Variants in MLIP observed in about 807,000 individuals in gnomAD.
MLIP encodes muscular LMNA-interacting protein.
MLIP carries 79 observed loss-of-function variants against 84.8 expected under a neutral mutation model. The ratio of observed to expected loss-of-function variants is 0.93; its 90% CI spans 0.78 to 1.12. The LOEUF (loss-of-function observed/expected upper bound fraction) is 1.12, where lower values mean the gene tolerates loss of function less well. Ranked by LOEUF, MLIP falls within the 50% of genes most tolerant of loss-of-function variation. MLIP has a pLI of 0.00. For missense variants in MLIP, 1,257 were observed against 1,160.6 expected, an observed-to-expected ratio of 1.08 and a Z score of -1.21; for synonymous variants, 504 against 463.0, an observed-to-expected ratio of 1.09 and a Z score of -1.14.
chr6:54,166,897 A>G (rs1421527569), intron 8 of MLIP, among the ~76,000 whole-genome samples: 1 of 151,878 alleles, frequency 6.6e-6, no homozygotes, highest in African/African-American at 2.4e-5. Context: ...AAATGATTCC[A>G]TATGTTGCCT....
chr6:54,261,539 T>C (rs2150905761), intron 13 of MLIP: 13 of 976,728 alleles, frequency 1.3e-5, no homozygotes, highest in Non-Finnish European at 1.5e-5. Flanking sequence ...ATTTAATGGT[T>C]TACAACATAA....
At chr6:54,240,790 C>T (rs1164488853) in intron 12 of MLIP, among the ~76,000 whole-genome samples, 1 of 152,134 alleles carries the variant, frequency 6.6e-6, no homozygotes, top group Non-Finnish European at 1.5e-5. Flanking sequence ...TCCTGGCCAA[C>T]ATGGTGAAAC....
intron 3 of MLIP, among the ~76,000 whole-genome samples, chr6:54,132,738 T>C (rs1771486302): frequency 6.6e-6 from 1 of 152,164 alleles, no homozygotes; most frequent in African/African-American, 2.4e-5. Context: ...GACATTGAAC[T>C]TGTGCTTTCA....
At chr6:54,265,607 T>C (rs1783640989) in intron 13 of MLIP, among the ~76,000 whole-genome samples, 1 of 152,082 alleles carries the variant, frequency 6.6e-6, no homozygotes, top group Non-Finnish European at 1.5e-5. Context: ...ATCAGCCAAG[T>C]CATGGAAGGG....
chr6:54,112,792 G>A (rs1250957955), intron 1 of MLIP, among the ~76,000 whole-genome samples: 2 of 152,146 alleles, frequency 1.3e-5, no homozygotes, highest in Non-Finnish European at 2.9e-5. Flanking sequence ...TTTATTGTCA[G>A]GATGTGGTTA....
intron 1 of MLIP, among the ~76,000 whole-genome samples, chr6:54,070,327 C>T (rs747475897): frequency 6.6e-6 from 1 of 151,958 alleles, no homozygotes; most frequent in Non-Finnish European, 1.5e-5. Context: ...TTTTTATTTC[C>T]CCACCTCCCC....
At chr6:54,245,705 A>G (rs537479395) in intron 12 of MLIP, among the ~76,000 whole-genome samples, 1 of 152,298 alleles carries the variant, frequency 6.6e-6, no homozygotes. Flanking sequence ...GCACCACATG[A>G]AACTGCCATT....
intron 5 of MLIP, among the ~76,000 whole-genome samples, chr6:54,159,579 C>T (rs564773987): frequency 6.6e-5 from 10 of 152,126 alleles, no homozygotes; most frequent in Admixed American, 2.0e-4. Flanking sequence ...TTTCACCTTA[C>T]GGGTAGTCCC....
chr6:54,169,278 G>T (rs539984278), intron 8 of MLIP, among the ~76,000 whole-genome samples: 1 of 151,682 alleles, frequency 6.6e-6, no homozygotes, highest in South Asian at 2.1e-4. Flanking sequence ...CATGAGGAAA[G>T]AACTATTATG....
chr6:54,187,087 A>G (rs1777470072), intron 9 of MLIP, among the ~76,000 whole-genome samples: 1 of 152,210 alleles, frequency 6.6e-6, no homozygotes, highest in South Asian at 2.1e-4. Flanking sequence ...ACCCATGAGA[A>G]AACAGGACTC....
intron 12 of MLIP, among the ~76,000 whole-genome samples, chr6:54,237,775 A>G (rs1781468364): frequency 1.3e-5 from 2 of 151,942 alleles, no homozygotes; most frequent in Admixed American, 6.6e-5. Context: ...GTTTGAGCCC[A>G]GGAAGTCAAG....
intron 12 of MLIP, among the ~76,000 whole-genome samples, chr6:54,248,012 T>A (rs1782204506): frequency 6.6e-6 from 1 of 152,134 alleles, no homozygotes; most frequent in Non-Finnish European, 1.5e-5. Flanking sequence ...TAGAGGTAAC[T>A]GGTGGCAAAT....
intron 12 of MLIP, among the ~76,000 whole-genome samples, chr6:54,249,507 G>A (rs1326597994): frequency 6.6e-6 from 1 of 151,558 alleles, no homozygotes; most frequent in Non-Finnish European, 1.5e-5. Flanking sequence ...CTATCGAGAG[G>A]AGCTTTTTCC....
At position 54,266,186 on chromosome 6, in the gene MLIP, C is replaced by A; in HGVS notation, c.*231C>A. 3.7e-6 allele frequency: 2 copies of A among 537,222 alleles called. No individual in the cohort carries two copies. Among genetic ancestry groups the A allele is most frequent in the South Asian group, 2.8e-5 (1 of 35,932 alleles). The allele number at this position is 537,222 out of a possible 1,614,324, so 33.3% of individuals were successfully genotyped here. On this transcript the variant is annotated 3_prime_UTR_variant, in exon 14 of 14. Transcript: ENST00000502396. ...ACAGCTTTTTGCACCACTGTTCTAG[C>A]CTTTAATGCCTTCTACTTAATATTA...
chr6:54,121,611 AT>A lies in MLIP; in HGVS notation c.252+14del. ...CAGAAACTGTAAATAGGGTAGGATTATTTTTATTCTTTTTTAATTTCAAACA... is the reference window on the plus strand; with the variant it reads ...CAGAAACTGTAAATAGGGTAGGATTATTTTATTCTTTTTTAATTTCAAACA... On this transcript the variant is annotated intron_variant, in intron 2 of 13. Coordinates refer to ENST00000502396, the MANE Select transcript of MLIP (RefSeq NM_001281747.2). 2 of 1,548,316 alleles carry A rather than the reference AT, an allele frequency of 1.3e-6. No individual in the cohort carries two copies. Among genetic ancestry groups the A allele is most frequent in the Non-Finnish European group, 8.7e-7 (1 of 1,146,912 alleles).
rs142950065 is a variant in MLIP at position 54,150,728 on chromosome 6, A to G, written c.2289+1601A>G. 1.9e-3 allele frequency among the ~76,000 whole-genome samples: 297 copies of G among 152,322 alleles called. 1 individual carries two copies. Among genetic ancestry groups the G allele is most frequent in the Middle Eastern group, 0.01 (3 of 294 alleles). Reference sequence around the variant, plus strand: ...TGAAAGTCTTTTGTGAGATAAGACTAGATGTCAGTACTGTTTCCAGAATCT... The same window carrying G: ...TGAAAGTCTTTTGTGAGATAAGACTGGATGTCAGTACTGTTTCCAGAATCT... On this transcript the variant is annotated intron_variant, in intron 5 of 13. Coordinates refer to ENST00000502396, the MANE Select transcript of MLIP (RefSeq NM_001281747.2).
At chr6:54,091,340 A>G (rs1767861618) in intron 1 of MLIP, among the ~76,000 whole-genome samples, 1 of 152,170 alleles carries the variant, frequency 6.6e-6, no homozygotes, top group South Asian at 2.1e-4. Context: ...CAGCCACTTA[A>G]TTAAATATGG....
chr6:54,234,863 T>C (rs1176691871), intron 12 of MLIP, among the ~76,000 whole-genome samples: 1 of 152,192 alleles, frequency 6.6e-6, no homozygotes, highest in Non-Finnish European at 1.5e-5. Context: ...TCTTTCTAAT[T>C]GCCTCACTTC....
chr6:54,160,282 C>G (rs1335232723), intron 5 of MLIP, 85 bp from the exon 6 acceptor site: 2 of 1,011,660 alleles, frequency 2.0e-6, no homozygotes, highest in Non-Finnish European at 3.0e-6. Context: ...AATATTAATA[C>G]ATACAAGGCT....
Sources: allele counts gnomAD v4.1 joint callset (sites outside exome capture counted in the v4.1 genomes callset), GRCh38; gene constraint gnomAD v4.1.1; transcripts MANE v1.5; gene names NCBI Gene and HGNC (gene_info 2026-07-23, HGNC 2026-07-21).